BBX: variants seen among roughly 807,000 people sequenced by gnomAD.
BBX encodes the protein BBX high mobility group box domain containing.
BBX carries 30 observed loss-of-function variants against 100.2 expected under a neutral mutation model. The ratio of observed to expected loss-of-function variants is 0.30; its 90% confidence interval spans 0.22 to 0.41. The LOEUF (loss-of-function observed/expected upper bound fraction) is 0.41. Among genes scored for constraint, BBX ranks in the 10% least tolerant of loss-of-function variants. The probability of loss-of-function intolerance (pLI) is 1.00; values close to 1 mark genes in which losing one functional copy is unlikely to be tolerated. For synonymous variants in BBX, 376 were observed against 388.1 expected (o/e 0.97, Z 0.37); for missense variants, 1,023 against 1,129.8 (o/e 0.91, Z 1.35).
At chr3:107,782,474 C>T (rs942056568) in intron 13 of BBX, among the ~76,000 whole-genome samples, 2 of 152,022 alleles carry the variant, frequency 1.3e-5, no homozygotes, top group Admixed American at 1.3e-4. Flanking sequence ...CAGAGTTACG[C>T]CTGACATTTG....
At chr3:107,530,379 T>G (rs1368565722) in intron 2 of BBX, among the ~76,000 whole-genome samples, 1 of 147,176 alleles carries the variant, frequency 6.8e-6, no homozygotes, top group African/African-American at 2.5e-5. Flanking sequence ...AGCAAGACTC[T>G]GTCTCCAAAA....
intron 3 of BBX, among the ~76,000 whole-genome samples, chr3:107,678,101 C>A (rs897968420): frequency 3.9e-5 from 6 of 152,032 alleles, no homozygotes; most frequent in Non-Finnish European, 8.8e-5. Flanking sequence ...GAATCAGGCT[C>A]TTATATTCTA....
chr3:107,572,983 A>G (rs2051485742), intron 2 of BBX, among the ~76,000 whole-genome samples: 1 of 152,242 alleles, frequency 6.6e-6, no homozygotes, highest in African/African-American at 2.4e-5. Flanking sequence ...TTAGTAATAA[A>G]TTAACCAAGT....
At chr3:107,656,715 A>G (rs912975347) in intron 3 of BBX, among the ~76,000 whole-genome samples, 3 of 152,204 alleles carry the variant, frequency 2.0e-5, no homozygotes, top group Non-Finnish European at 2.9e-5. Flanking sequence ...TGTATTTTCT[A>G]TTCCTCTGTA....
intron 5 of BBX, among the ~76,000 whole-genome samples, chr3:107,717,864 G>A (rs1252722505): frequency 1.3e-5 from 2 of 151,962 alleles, no homozygotes; most frequent in African/African-American, 2.4e-5. Context: ...TTTCCTCAGC[G>A]TTGCAACTTG....
intron 7 of BBX, among the ~76,000 whole-genome samples, chr3:107,739,893 A>G (rs775378734): frequency 3.9e-5 from 6 of 152,200 alleles, no homozygotes; most frequent in Non-Finnish European, 8.8e-5. Flanking sequence ...TTGCTACTGC[A>G]GTTATTTTTA....
intron 2 of BBX, chr3:107,638,684 C>T (rs1267590354): frequency 6.7e-6 from 1 of 149,604 alleles, no homozygotes; most frequent in Non-Finnish European, 1.5e-5. Flanking sequence ...TTTGGGAGGC[C>T]GAGGTGGGAG....
At chr3:107,693,887 G>A (rs1183458455) in intron 3 of BBX, among the ~76,000 whole-genome samples, 2 of 150,562 alleles carry the variant, frequency 1.3e-5, no homozygotes, top group South Asian at 2.1e-4. Context: ...GCAGTGGTTT[G>A]TAGTTCTCCT....
intron 2 of BBX, among the ~76,000 whole-genome samples, chr3:107,635,644 A>G (rs1038074781): frequency 5.3e-5 from 8 of 152,310 alleles, no homozygotes; most frequent in Admixed American, 1.3e-4. Flanking sequence ...AGGATTTGAA[A>G]TAGAGTAAAA....
chr3:107,792,576 C>G (rs958925704), intron 15 of BBX, among the ~76,000 whole-genome samples: 1 of 152,174 alleles, frequency 6.6e-6, no homozygotes, highest in African/African-American at 2.4e-5. Context: ...TTTACTTTTA[C>G]AGAAAACGCC....
At chr3:107,548,992 TG>T (rs1261487919) in intron 2 of BBX, among the ~76,000 whole-genome samples, 1 of 151,912 alleles carries the variant, frequency 6.6e-6, no homozygotes, top group Non-Finnish European at 1.5e-5. Context: ...GACTATTAGA[TG>T]GGGAAGGGAA....
chr3:107,523,236 G>GGCGGCGGCGGCA (rs1370368720), intron 1 of BBX, 129 bp downstream of exon 1: 1 of 225,334 alleles, frequency 4.4e-6, no homozygotes, highest in Admixed American at 5.4e-5. Flanking sequence ...CGGCGGCGGC[G>GGCGGCGGCGGCA]GCGGCGGCGG....
At chr3:107,591,978 T>C (rs1312008446) in intron 2 of BBX, among the ~76,000 whole-genome samples, 1 of 152,226 alleles carries the variant, frequency 6.6e-6, no homozygotes, top group African/African-American at 2.4e-5. Flanking sequence ...TTAGCATTTG[T>C]AATCATTAAG....
chr3:107,557,562 C>T (rs2107458351), intron 2 of BBX, among the ~76,000 whole-genome samples: 1 of 152,352 alleles, frequency 6.6e-6, no homozygotes, highest in South Asian at 2.1e-4. Context: ...TACTCATATA[C>T]ATGTGAACAT....
At chr3:107,768,813 C>A (rs2066608482) in intron 10 of BBX, among the ~76,000 whole-genome samples, 1 of 150,206 alleles carries the variant, frequency 6.7e-6, no homozygotes, top group Non-Finnish European at 1.5e-5. Context: ...AGTAGTTACC[C>A]CTTCTCATCT....
chr3:107,525,042 C>G (rs1375493784), intron 1 of BBX, among the ~76,000 whole-genome samples: 1 of 150,648 alleles, frequency 6.6e-6, no homozygotes, highest in Non-Finnish European at 1.5e-5. Flanking sequence ...CCTGGGGTTG[C>G]CCACTGGCGG....
rs763871886 is a variant in BBX at position 107,773,554 on chromosome 3, C to T, written c.1833C>T (p.Ser611=). 9.9e-6 allele frequency: 16 copies of T among 1,613,856 alleles called. No individual in the cohort carries two copies. Among genetic ancestry groups the T allele is most frequent in the South Asian group, 4.4e-5 (4 of 91,080 alleles). The part of the protein sequence containing the change: ...RKIETCGSRK[S]ERSCKGALYK... Reference sequence around the variant, plus strand: ...TAGAAACTTGTGGTTCCAGGAAATCCGAGAGGTCTTGCAAAGGTGCTCTTT... The same window carrying T: ...TAGAAACTTGTGGTTCCAGGAAATCTGAGAGGTCTTGCAAAGGTGCTCTTT... Residue 611 remains serine (S), a synonymous_variant, in exon 11 of 18, where the codon TCC becomes TCT. Transcript: ENST00000325805. This position sits in a 1 kb window ranked among gnomAD's most constrained non-coding sequence, Gnocchi z 4.1.
At chr3:107,527,139 G>A (rs2047839642) in intron 2 of BBX, among the ~76,000 whole-genome samples, 1 of 152,190 alleles carries the variant, frequency 6.6e-6, no homozygotes, top group African/African-American at 2.4e-5. Context: ...GTAACAGTGT[G>A]GGTAAGAACT....
intron 2 of BBX, among the ~76,000 whole-genome samples, chr3:107,584,128 ATTATT>A (rs2052591798): frequency 1.0e-4 from 3 of 29,354 alleles, no homozygotes; most frequent in African/African-American, 1.8e-4. Flanking sequence ...TAATATATAT[ATTATT>A]ATATATATTA....
Sources: gnomAD v4.1 joint callset for allele counts (sites outside exome capture counted in the v4.1 genomes callset) on GRCh38, gnomAD v4.1.1 for gene constraint, Gnocchi (gnomAD v3.1) non-coding constraint, MANE v1.5 for transcripts, NCBI Gene and HGNC (gene_info 2026-07-23, HGNC 2026-07-21) for gene names.